QRICH1: variants seen among roughly 807,000 people sequenced by gnomAD.
The protein encoded by QRICH1 is transcriptional regulator QRICH1.
QRICH1 carries 16 observed loss-of-function variants against 87.1 expected under a neutral mutation model. That is an observed-to-expected ratio of 0.18 (90% CI 0.12 to 0.28). The LOEUF (loss-of-function observed/expected upper bound fraction) is 0.28. Among genes scored for constraint, QRICH1 ranks in the 10% least tolerant of loss-of-function variants. The probability of loss-of-function intolerance (pLI) is 1.00; values close to 1 mark genes in which losing one functional copy is unlikely to be tolerated. For missense variants in QRICH1, 647 were observed against 951.7 expected, an observed-to-expected ratio of 0.68 and a Z score of 4.21; for synonymous variants, 367 against 368.4, an observed-to-expected ratio of 1.00 and a Z score of 0.05.
chr3:49,030,704 G>T, intron 9 of QRICH1, 60 bp from the exon 10 acceptor site: 2 of 1,384,566 alleles, frequency 1.4e-6, no homozygotes, highest in South Asian at 2.8e-5. Flanking sequence ...CTCCCACCCT[G>T]AACTTCCCAG....
At chr3:49,088,348 G>A (rs1416674598) in intron 1 of QRICH1, among the ~76,000 whole-genome samples, 1 of 152,026 alleles carries the variant, frequency 6.6e-6, no homozygotes, top group Non-Finnish European at 1.5e-5. Context: ...AGGATGGAGT[G>A]CAATGGCATC....
intron 1 of QRICH1, among the ~76,000 whole-genome samples, chr3:49,078,015 C>T (rs1007327158): frequency 2.0e-5 from 3 of 152,196 alleles, no homozygotes; most frequent in Admixed American, 6.6e-5. Context: ...TGACCCCTGT[C>T]GCTGCTACCT....
intron 6 of QRICH1, among the ~76,000 whole-genome samples, chr3:49,036,182 C>G (rs902528289): frequency 6.6e-6 from 1 of 152,110 alleles, no homozygotes; most frequent in Non-Finnish European, 1.5e-5. Context: ...ATAAAAAAAA[C>G]CTAGGTATTA....
At chr3:49,033,328 A>G in intron 6 of QRICH1, 100 bp from the exon 7 acceptor site, 1 of 653,040 alleles carries the variant, frequency 1.5e-6, no homozygotes, top group Non-Finnish European at 2.3e-6. Context: ...CAGGAGTATA[A>G]ATTTCATCAG....
intron 2 of QRICH1, among the ~76,000 whole-genome samples, chr3:49,060,387 G>A (rs1330942493): frequency 6.6e-6 from 1 of 151,566 alleles, no homozygotes; most frequent in East Asian, 2.0e-4. Flanking sequence ...TAGAGACAGG[G>A]TTTCACCGTG....
intron 3 of QRICH1, among the ~76,000 whole-genome samples, chr3:49,050,908 C>T (rs1167544991): frequency 1.3e-5 from 2 of 152,126 alleles, no homozygotes; most frequent in Non-Finnish European, 2.9e-5. Flanking sequence ...CAGGCCCAAG[C>T]CTCCCTTTAC....
chr3:49,032,342 A>C (rs945786813), intron 8 of QRICH1, 69 bp from the exon 9 acceptor site: 7 of 1,237,296 alleles, frequency 5.7e-6, no homozygotes, highest in Non-Finnish European at 2.4e-6. Flanking sequence ...CCAGATCAGG[A>C]AACTTAGGCT....
rs141296979 is a variant in QRICH1, at chr3:49,058,455, A to C, written c.310-565T>G. Among the ~76,000 whole-genome samples the C allele has an allele frequency of 4.3e-3, 653 of 151,954 alleles. 3 individuals carry two copies. Among genetic ancestry groups the C allele is most frequent in the Non-Finnish European group, 5.3e-3 (357 of 67,960 alleles). On this transcript the variant is annotated intron_variant, in intron 2 of 9. Coordinates refer to ENST00000395443, the MANE Select transcript of QRICH1 (RefSeq NM_198880.3). ...AATTCTTGAAGCCAGCCTCCCGAGT[A>C]TCTGGGATTATAGACATGTGCCACC...
At chr3:49,069,044 G>C (rs2093484629) in intron 2 of QRICH1, among the ~76,000 whole-genome samples, 1 of 150,396 alleles carries the variant, frequency 6.6e-6, no homozygotes, top group Admixed American at 6.6e-5. Flanking sequence ...AAGACTTTTA[G>C]AACTACTTGA....
chr3:49,047,973 G>A (rs2093348439), intron 3 of QRICH1, among the ~76,000 whole-genome samples: 2 of 152,102 alleles, frequency 1.3e-5, no homozygotes, highest in South Asian at 4.1e-4. Flanking sequence ...AACTCCTCAA[G>A]TAAAAAAGTA....
intron 5 of QRICH1, 57 bp from the exon 6 acceptor site, chr3:49,044,561 G>A: frequency 8.0e-7 from 1 of 1,253,938 alleles, no homozygotes; most frequent in Non-Finnish European, 1.1e-6. Context: ...AGGATTTCAG[G>A]GGAAATAAAT....
At chr3:49,076,098 C>T (rs1188154103) in intron 2 of QRICH1, among the ~76,000 whole-genome samples, 1 of 152,080 alleles carries the variant, frequency 6.6e-6, no homozygotes, top group Non-Finnish European at 1.5e-5. Context: ...AAAAAATTAG[C>T]CGAGTGTGTT....
chr3:49,042,654 C>T (rs1456527246), intron 6 of QRICH1, among the ~76,000 whole-genome samples: 1 of 151,710 alleles, frequency 6.6e-6, no homozygotes, highest in Admixed American at 6.6e-5. Context: ...CTCACCACAA[C>T]CTCCGACTCC....
intron 1 of QRICH1, chr3:49,092,347 A>G (rs1005539395): frequency 6.6e-6 from 1 of 151,852 alleles, no homozygotes; most frequent in Non-Finnish European, 1.5e-5. Context: ...GTATTACCAG[A>G]AAAAAAACTG....
chr3:49,064,145 G>A (rs1429832780), intron 2 of QRICH1, among the ~76,000 whole-genome samples: 1 of 151,614 alleles, frequency 6.6e-6, no homozygotes, highest in African/African-American at 2.4e-5. Flanking sequence ...TGGTCAGGCT[G>A]GTCTCAAACT....
chr3:49,059,310 A>G (rs1276505331), intron 2 of QRICH1, among the ~76,000 whole-genome samples: 2 of 151,618 alleles, frequency 1.3e-5, no homozygotes, highest in Non-Finnish European at 2.9e-5. Context: ...CCCAGGTTAG[A>G]GTACCGTGAT....
intron 3 of QRICH1, among the ~76,000 whole-genome samples, chr3:49,049,609 T>C (rs983361599): frequency 6.6e-6 from 1 of 152,092 alleles, no homozygotes; most frequent in East Asian, 2.0e-4. Context: ...GGCATTCTCC[T>C]GCCTCAGCCT....
chr3:49,063,666 G>A (rs975802873), intron 2 of QRICH1, among the ~76,000 whole-genome samples: 2 of 152,150 alleles, frequency 1.3e-5, no homozygotes, highest in African/African-American at 4.8e-5. Context: ...ACACACACCT[G>A]TAGTCTCAGC....
intron 3 of QRICH1, among the ~76,000 whole-genome samples, chr3:49,054,603 A>G (rs548898245): frequency 1.1e-4 from 16 of 152,040 alleles, no homozygotes; most frequent in Non-Finnish European, 1.9e-4. Flanking sequence ...TAAACTATAA[A>G]CTACAGTTCA....
Sources: gnomAD v4.1 joint callset for allele counts (sites outside exome capture counted in the v4.1 genomes callset) on GRCh38, gnomAD v4.1.1 for gene constraint, MANE v1.5 for transcripts, NCBI Gene and HGNC (gene_info 2026-07-23, HGNC 2026-07-21) for gene names.